Variants in KRABD5 observed in about 807,000 individuals in gnomAD.
The protein encoded by KRABD5 is KRAB domain-containing protein 5.
the KRABD5 span, among the ~76,000 whole-genome samples, chr16:31,730,320 T>TTTTG: frequency 1.3e-5 from 2 of 152,136 alleles, no homozygotes; most frequent in African/African-American, 4.8e-5. Context: ...TAGTTGTCTT[T>TTTTG]TTTGTTTGTT....
chr16:31,720,480 T>C, the KRABD5 span, among the ~76,000 whole-genome samples: 5 of 152,172 alleles, frequency 3.3e-5, no homozygotes, highest in Non-Finnish European at 7.4e-5. Context: ...TGAGAGGGAA[T>C]GCTTAGTTAA....
chr16:31,723,240 C>G, the KRABD5 span: 1 of 1,609,378 alleles, frequency 6.2e-7, no homozygotes. Flanking sequence ...AGTCATGTGA[C>G]TTTTTCTAAT....
the KRABD5 span, among the ~76,000 whole-genome samples, chr16:31,752,106 T>A: frequency 6.6e-6 from 1 of 152,248 alleles, no homozygotes; most frequent in East Asian, 1.9e-4. Context: ...TTATTCTATT[T>A]TAGTCCAAAA....
the KRABD5 span, among the ~76,000 whole-genome samples, chr16:31,719,575 T>G: frequency 6.6e-6 from 1 of 152,160 alleles, no homozygotes. Flanking sequence ...TCCCTAGCCT[T>G]GCTCTGCCCC....
chr16:31,726,195 A>G, the KRABD5 span, among the ~76,000 whole-genome samples: 2 of 152,156 alleles, frequency 1.3e-5, no homozygotes, highest in African/African-American at 4.8e-5. Flanking sequence ...TTGCTCATAA[A>G]TATCCACCTT....
the KRABD5 span, among the ~76,000 whole-genome samples, chr16:31,749,872 T>C: frequency 6.6e-6 from 1 of 152,312 alleles, no homozygotes; most frequent in Middle Eastern, 3.4e-3. Flanking sequence ...CTACTGTTTC[T>C]AGTCAGCTGT....
the KRABD5 span, among the ~76,000 whole-genome samples, chr16:31,736,810 G>C: frequency 6.6e-6 from 1 of 152,072 alleles, no homozygotes; most frequent in South Asian, 2.1e-4. Context: ...GTGAGCCACT[G>C]CGCCTGGCCC....
the KRABD5 span, among the ~76,000 whole-genome samples, chr16:31,728,292 C>T: frequency 6.6e-6 from 1 of 152,030 alleles, no homozygotes; most frequent in Non-Finnish European, 1.5e-5. Context: ...TTTATTTAGT[C>T]TCTTTTTGTT....
the KRABD5 span, among the ~76,000 whole-genome samples, chr16:31,733,878 C>G: frequency 1.3e-5 from 2 of 152,186 alleles, no homozygotes; most frequent in South Asian, 4.1e-4. Flanking sequence ...ATCTATTCCG[C>G]GTTCTGTTTT....
At chr16:31,713,556 C>T in the KRABD5 span, 9 of 1,383,296 alleles carry the variant, frequency 6.5e-6, no homozygotes, top group Non-Finnish European at 7.7e-6. Flanking sequence ...CAACTCGGCC[C>T]TTGGTCCCCT....
chr16:31,731,372 A>G, the KRABD5 span, among the ~76,000 whole-genome samples: 1 of 152,106 alleles, frequency 6.6e-6, no homozygotes, highest in Non-Finnish European at 1.5e-5. Context: ...AACTTTCTTC[A>G]GGATCTTGAG....
At chr16:31,754,014 A>C in the KRABD5 span, 1 of 1,284,114 alleles carries the variant, frequency 7.8e-7, no homozygotes, top group Non-Finnish European at 1.1e-6. Context: ...AACTCAATTT[A>C]TGTCAGTTGC....
the KRABD5 span, among the ~76,000 whole-genome samples, chr16:31,743,155 G>A: frequency 1.2e-4 from 19 of 152,076 alleles, no homozygotes; most frequent in South Asian, 2.9e-3. Context: ...TTTGGTTTTC[G>A]TTGCAATTGC....
chr16:31,755,403 A>C, the KRABD5 span: 9 of 497,922 alleles, frequency 1.8e-5, no homozygotes, highest in South Asian at 1.3e-4. Context: ...GAATGTGGCA[A>C]AGCCTTTAAC....
chr16:31,732,605 A>G, the KRABD5 span, among the ~76,000 whole-genome samples: 37 of 152,286 alleles, frequency 2.4e-4, no homozygotes, highest in Admixed American at 1.2e-3. Flanking sequence ...AGTAATTCTC[A>G]CCATATTTTG....
chr16:31,745,672 C>T, the KRABD5 span, among the ~76,000 whole-genome samples: 1 of 125,998 alleles, frequency 7.9e-6, no homozygotes, highest in South Asian at 2.4e-4. Flanking sequence ...TCTTGAATAT[C>T]CTTGTTAATT....
chr16:31,754,585 CA>C, the KRABD5 span: 1 of 493,470 alleles, frequency 2.0e-6, no homozygotes, highest in Non-Finnish European at 4.0e-6. Flanking sequence ...ATGAATGCAC[CA>C]ACCATGTCCA....
chr16:31,757,800 G>A, the KRABD5 span: 3 of 151,698 alleles, frequency 2.0e-5, no homozygotes, highest in Non-Finnish European at 4.4e-5. Flanking sequence ...ACATCTGGAT[G>A]GATGGATGGA....
chr16:31,720,428 C>T, the KRABD5 span, among the ~76,000 whole-genome samples: 3 of 152,140 alleles, frequency 2.0e-5, no homozygotes, highest in African/African-American at 7.2e-5. Flanking sequence ...GTACTTAGCA[C>T]GGGCCCCAGA....
Sources: gnomAD v4.1 joint callset for allele counts (sites outside exome capture counted in the v4.1 genomes callset) on GRCh38, gnomAD v4.1.1 for gene constraint, MANE v1.5 for transcripts, NCBI Gene and HGNC (gene_info 2026-07-23, HGNC 2026-07-21) for gene names.